Variants in SACM1L observed in about 807,000 individuals in gnomAD.
SACM1L encodes phosphatidylinositol-3-phosphatase SAC1.
A neutral mutation model predicts 89.5 loss-of-function variants in SACM1L; 32 were observed. That is an observed-to-expected ratio of 0.36 (90% CI 0.27 to 0.48). SACM1L has a LOEUF of 0.48. SACM1L is among the 20% of genes least tolerant of loss of function. The pLI is 0.99. For synonymous variants in SACM1L, 213 were observed against 232.8 expected, an observed-to-expected ratio of 0.92 and a Z score of 0.77; for missense variants, 543 against 708.5, an observed-to-expected ratio of 0.77 and a Z score of 2.65.
chr3:45,701,732 G>A (rs1018017374), intron 1 of SACM1L, among the ~76,000 whole-genome samples: 4 of 152,046 alleles, frequency 2.6e-5, no homozygotes, highest in Non-Finnish European at 5.9e-5. Context: ...GAACGTATCC[G>A]TCACCCTGAA....
At chr3:45,698,841 A>G (rs1698192657) in intron 1 of SACM1L, among the ~76,000 whole-genome samples, 2 of 151,692 alleles carry the variant, frequency 1.3e-5, no homozygotes, top group African/African-American at 4.9e-5. Context: ...ATCTCAGCTC[A>G]CTGCAACCTC....
At chr3:45,725,958 G>A (rs781429870) in intron 11 of SACM1L, among the ~76,000 whole-genome samples, 11 of 151,926 alleles carry the variant, frequency 7.2e-5, no homozygotes, top group Non-Finnish European at 1.0e-4. Flanking sequence ...CGAGATGCTC[G>A]TTTGTTTTTT....
intron 19 of SACM1L, among the ~76,000 whole-genome samples, chr3:45,740,072 CAAAAG>C (rs910385489): frequency 6.6e-6 from 1 of 151,390 alleles, no homozygotes; most frequent in Non-Finnish European, 1.5e-5. Context: ...GGAATGGAAA[CAAAAG>C]GGGAGGGTAG....
intron 19 of SACM1L, among the ~76,000 whole-genome samples, chr3:45,741,975 C>T (rs1038170084): frequency 2.6e-5 from 4 of 152,200 alleles, no homozygotes; most frequent in Non-Finnish European, 5.9e-5. Flanking sequence ...GGGTCCTCTG[C>T]CTTCTTTCCT....
chr3:45,723,059 C>T (rs571746414), intron 10 of SACM1L, 104 bp downstream of exon 10: 365 of 924,732 alleles, frequency 3.9e-4, no homozygotes, highest in Non-Finnish European at 5.6e-4. Flanking sequence ...CAATGTTCAA[C>T]ATCTTTGAGG....
chr3:45,721,517 C>T (rs1393202328), intron 8 of SACM1L, among the ~76,000 whole-genome samples: 1 of 152,110 alleles, frequency 6.6e-6, no homozygotes, highest in Non-Finnish European at 1.5e-5. Context: ...AGCGAAACTC[C>T]GTCTCAAAAA....
chr3:45,723,128 A>G (rs757071253), intron 10 of SACM1L, among the ~76,000 whole-genome samples, 173 bp downstream of exon 10: 1 of 152,202 alleles, frequency 6.6e-6, no homozygotes, highest in African/African-American at 2.4e-5. Context: ...TGTGGGTGGC[A>G]TGTTAGAAAT....
rs201658949 is a variant in SACM1L at position 45,735,290 on chromosome 3, C to T, written c.1156C>T (p.Arg386Ter). ...QVVANQEGVFRSNCMDCLDRT... is the reference protein window; with the variant it reads ...QVVANQEGVF ...GGTGGCAAACCAGGAAGGCGTGTTC[C>T]GAAGCAATTGCATGGATTGTCTAGA... is the stretch of plus-strand genomic sequence containing the variant. Residue 386 changes from arginine to a stop codon, truncating the protein, a stop_gained, in exon 14 of 20, where the codon CGA (arginine) becomes TGA (stop). Coordinates refer to ENST00000389061, the MANE Select transcript of SACM1L (RefSeq NM_014016.5). LOFTEE classifies it high-confidence loss of function. 1.1e-5 allele frequency: 17 copies of T among 1,612,940 alleles called. No homozygotes were observed. The highest frequency in any genetic ancestry group is 1.3e-5 in the African/African-American group (1 of 74,784).
intron 1 of SACM1L, among the ~76,000 whole-genome samples, chr3:45,692,331 T>A (rs1484719017): frequency 1.4e-5 from 2 of 145,290 alleles, no homozygotes; most frequent in East Asian, 2.0e-4. Context: ...TTTTTTTTTT[T>A]ATTATTTTTG....
At position 45,737,644 on chromosome 3, in the gene SACM1L, A is replaced by T. The variant is rs1468542; in HGVS notation, c.1301A>T (p.Tyr434Phe). The change falls in exon 15 of 20, where the codon TAC becomes TTC. Residue 434 changes from tyrosine (Y) to phenylalanine (F), a missense_variant. Physicochemically the swap from Tyr to Phe is conservative, Grantham distance 22. This residue lies in a region of SACM1L where 370 missense variants were observed against 527.6 expected (regional missense o/e 0.70). Coordinates refer to ENST00000389061, the MANE Select transcript of SACM1L (RefSeq NM_014016.5). ...GAACAAGATGAATTTGAGAAGATTT[A>T]CAAAAATGGTAGGTCATTTCTTTAA... is the stretch of plus-strand genomic sequence containing the variant. ...LEEQDEFEKI[Y>F]KNAWADNANA... 0.63 allele frequency: 1,006,650 copies of T among 1,589,110 alleles called. 323,602 individuals are homozygous for T. Among genetic ancestry groups the T allele is most frequent in the Non-Finnish European group, 0.66 (771,710 of 1,173,002 alleles).
intron 1 of SACM1L, among the ~76,000 whole-genome samples, chr3:45,695,572 G>A (rs986479609): frequency 2.0e-5 from 3 of 152,118 alleles, no homozygotes; most frequent in Admixed American, 6.5e-5. Flanking sequence ...AATTCTTTAC[G>A]TAAGATTTTT....
At chr3:45,716,013 A>G (rs575789830) in intron 7 of SACM1L, among the ~76,000 whole-genome samples, 22 of 152,242 alleles carry the variant, frequency 1.4e-4, no homozygotes, top group Admixed American at 1.2e-3. Context: ...AAGTAAAATC[A>G]TATGTTTCAC....
At chr3:45,702,294 A>G (rs1400900547) in intron 1 of SACM1L, among the ~76,000 whole-genome samples, 1 of 152,202 alleles carries the variant, frequency 6.6e-6, no homozygotes, top group Admixed American at 6.5e-5. Flanking sequence ...CAATTGGTAA[A>G]TAGAAAATGA....
chr3:45,728,408 A>G (rs1698973701), intron 11 of SACM1L, among the ~76,000 whole-genome samples: 1 of 151,712 alleles, frequency 6.6e-6, no homozygotes, highest in African/African-American at 2.4e-5. Context: ...TTTTTTTGGT[A>G]GTGATATATT....
intron 11 of SACM1L, among the ~76,000 whole-genome samples, chr3:45,725,290 G>A (rs1448905782): frequency 5.0e-5 from 6 of 119,142 alleles, no homozygotes; most frequent in African/African-American, 9.9e-5. Flanking sequence ...TAGTACTGTC[G>A]TCTTAATAAT....
At chr3:45,694,622 G>T (rs1222216707) in intron 1 of SACM1L, among the ~76,000 whole-genome samples, 1 of 152,176 alleles carries the variant, frequency 6.6e-6, no homozygotes, top group Non-Finnish European at 1.5e-5. Context: ...TGGTATGCTT[G>T]TTTTAAGTGC....
chr3:45,705,496 A>ATTTTTTTTTTTTTTTTTTTTTTTTTTTT (rs36040487), intron 3 of SACM1L, among the ~76,000 whole-genome samples: 2 of 103,224 alleles, frequency 1.9e-5, no homozygotes, highest in African/African-American at 4.4e-5. Context: ...TGTAAATAAA[A>ATTTTTTTTTTTTTTTTTTTTTTTTTTTT]TTTTTTTTTT....
At position 45,744,569 on chromosome 3, in the gene SACM1L, A is replaced by G. The variant is rs768620704; in HGVS notation, c.*900A>G. ...TTTCATATTGCACTTGGAGGGTAACAGCTGCTTTTTCACGCATGGTACTCT... is the reference window on the plus strand; with the variant it reads ...TTTCATATTGCACTTGGAGGGTAACGGCTGCTTTTTCACGCATGGTACTCT... On this transcript the variant is annotated 3_prime_UTR_variant, in exon 20 of 20. Transcript: ENST00000389061. 1 of 152,564 alleles carries G rather than the reference A, an allele frequency of 6.6e-6. No individual in the cohort carries two copies. Among genetic ancestry groups the G allele is most frequent in the Non-Finnish European group, 1.5e-5 (1 of 68,026 alleles). The allele number at this position is 152,564 out of a possible 1,614,324, so 9.5% of individuals were successfully genotyped here.
chr3:45,730,807 A>G (rs931689231), intron 11 of SACM1L: 1 of 152,282 alleles, frequency 6.6e-6, no homozygotes, highest in African/African-American at 2.4e-5. Flanking sequence ...TGCCTCAGGC[A>G]TCCATTGGTT....
Sources: gnomAD v4.1 joint callset for allele counts (sites outside exome capture counted in the v4.1 genomes callset) on GRCh38, gnomAD v4.1.1 for gene constraint, gnomAD v4.1.1 regional missense constraint, MANE v1.5 for transcripts, NCBI Gene and HGNC (gene_info 2026-07-23, HGNC 2026-07-21) for gene names.